Variants in PACC1 observed in about 807,000 individuals in gnomAD.
The protein encoded by PACC1 is proton activated chloride channel 1, also known as proton-activated chloride channel.
A neutral mutation model predicts 39.7 loss-of-function variants in PACC1; 34 were observed. That is an observed-to-expected ratio of 0.86 (90% confidence interval 0.65 to 1.14). The LOEUF (loss-of-function observed/expected upper bound fraction) is 1.14, where lower values mean the gene tolerates loss of function less well. PACC1 is among the 50% of genes most tolerant of loss of function. The pLI, the probability that PACC1 is intolerant of heterozygous loss-of-function variation, is 0.00. For missense variants in PACC1, 379 were observed against 436.4 expected (o/e 0.87, Z 1.17); for synonymous variants, 127 against 160.6 (o/e 0.79, Z 1.58).
intron 7 of PACC1, among the ~76,000 whole-genome samples, chr1:212,368,632 G>A (rs116419231): frequency 0.023 from 3,429 of 151,216 alleles, 45 homozygotes; most frequent in African/African-American, 0.027. Flanking sequence ...TCAAGCAGAA[G>A]AATTAGTGAG....
chr1:212,406,105 C>CAAAAAAAAAAAAA (rs58332482), intron 2 of PACC1, among the ~76,000 whole-genome samples: 6 of 55,638 alleles, frequency 1.1e-4, no homozygotes, highest in Admixed American at 2.6e-4. Context: ...TCCCACCCCA[C>CAAAAAAAAAAAAA]AAAAAAAAAA....
intron 7 of PACC1, among the ~76,000 whole-genome samples, chr1:212,370,793 G>A (rs900789815): frequency 6.6e-6 from 1 of 152,124 alleles, no homozygotes. Flanking sequence ...AGCAAAAGCA[G>A]TACTAAGAGG....
intron 4 of PACC1, 115 bp downstream of exon 4, chr1:212,385,159 G>A (rs1661051014): frequency 1.7e-6 from 2 of 1,199,894 alleles, no homozygotes; most frequent in Non-Finnish European, 2.4e-6. Flanking sequence ...TGGGGACTAA[G>A]GCCCCACACT....
chr1:212,381,770 GACACAC>G lies in PACC1; in HGVS notation c.496-1739_496-1734del, dbSNP rs10529310. 2.5e-4 allele frequency among the ~76,000 whole-genome samples: 29 copies of G among 118,144 alleles called. 2 individuals carry two copies. Among genetic ancestry groups the G allele is most frequent in the Middle Eastern group, 3.9e-3 (1 of 256 alleles). 77.5% of individuals were successfully genotyped at this position (118,144 alleles called of 152,430 possible). On this transcript the variant is annotated intron_variant, in intron 4 of 7. Coordinates refer to ENST00000261455, the MANE Select transcript of PACC1 (RefSeq NM_018252.3). ...AACAATGCCCAGGGGACAGCACAGT[GACACAC>G]ACACACACACACACACACACTGCCC...
At chr1:212,369,056 T>C (rs2102465045) in intron 7 of PACC1, among the ~76,000 whole-genome samples, 1 of 149,116 alleles carries the variant, frequency 6.7e-6, no homozygotes, top group African/African-American at 2.5e-5. Flanking sequence ...AAAACAAAAA[T>C]ATAAATAGAT....
chr1:212,408,073 C>CAAA (rs77122055), intron 2 of PACC1, among the ~76,000 whole-genome samples: 6,106 of 67,480 alleles, frequency 0.09, 217 homozygotes, highest in Admixed American at 0.16. Context: ...GACTCCATCT[C>CAAA]AAAAAAAAAA....
chr1:212,402,252 AG>A (rs1489653100), intron 2 of PACC1, among the ~76,000 whole-genome samples: 3 of 152,188 alleles, frequency 2.0e-5, no homozygotes, highest in African/African-American at 7.2e-5. Flanking sequence ...TATTTTCCAC[AG>A]CAGCTGCACC....
chr1:212,414,585 C>T, intron 1 of PACC1, 137 bp downstream of exon 1: 1 of 1,127,266 alleles, frequency 8.9e-7, no homozygotes, highest in Non-Finnish European at 1.3e-6. Context: ...CGGGAGCCCT[C>T]CCCTGACGCA....
In PACC1 at chr1:212,386,870, T is replaced by C. The variant is rs1558172666; in HGVS notation, c.343+21A>G. On this transcript the variant is annotated intron_variant, in intron 3 of 7. Coordinates refer to ENST00000261455, the MANE Select transcript of PACC1 (RefSeq NM_018252.3). This position sits in a 1 kb window ranked among gnomAD's most constrained non-coding sequence, Gnocchi z 5.0. Reference sequence around the variant, plus strand: ...ACCCTAGATCTGGGGCCCTGATGCCTGGCCCAGGGGCAGGCTCTACCTGGG... The same window carrying C: ...ACCCTAGATCTGGGGCCCTGATGCCCGGCCCAGGGGCAGGCTCTACCTGGG... 2 of 1,612,690 alleles carry C rather than the reference T, an allele frequency of 1.2e-6. No individual in the cohort carries two copies. The highest frequency in any genetic ancestry group is 1.6e-4 in the Middle Eastern group (1 of 6,062).
intron 7 of PACC1, among the ~76,000 whole-genome samples, chr1:212,366,580 C>A (rs1660254252): frequency 6.6e-6 from 1 of 152,074 alleles, no homozygotes; most frequent in Non-Finnish European, 1.5e-5. Flanking sequence ...CTTCTAAGCT[C>A]AATTTAGCAG....
In PACC1 at chr1:212,364,440, G is replaced by A. The variant is rs551973118; in HGVS notation, c.*775C>T. On this transcript the variant is annotated 3_prime_UTR_variant, in exon 8 of 8. Transcript: ENST00000261455. ...TCACCAAATGAAAGTAATTGTGCCCGATGATTGAGCAGATATTCATATTGT... is the reference window on the plus strand; with the variant it reads ...TCACCAAATGAAAGTAATTGTGCCCAATGATTGAGCAGATATTCATATTGT... The A allele has an allele frequency of 1.3e-5, 2 of 152,292 alleles. No individual in the cohort carries two copies. The highest frequency in any genetic ancestry group is 3.8e-4 in the East Asian group (2 of 5,206). 9.4% of individuals were successfully genotyped at this position (152,292 alleles called of 1,614,324 possible).
At chr1:212,384,775 GCC>G (rs1397854158) in intron 4 of PACC1, among the ~76,000 whole-genome samples, 12 of 152,196 alleles carry the variant, frequency 7.9e-5, no homozygotes. Flanking sequence ...CGACAGCATG[GCC>G]AGCCCAGGGC....
chr1:212,378,383 G>C (rs1005390720), intron 5 of PACC1, among the ~76,000 whole-genome samples: 1 of 152,250 alleles, frequency 6.6e-6, no homozygotes, highest in Non-Finnish European at 1.5e-5. Context: ...GGGAATTCTA[G>C]GTGGCAGAAA....
intron 2 of PACC1, among the ~76,000 whole-genome samples, chr1:212,405,951 G>A (rs149264763): frequency 1.9e-4 from 29 of 151,956 alleles, no homozygotes; most frequent in African/African-American, 6.3e-4. Context: ...AGACCAGCCT[G>A]GGCAACACTG....
At chr1:212,381,545 C>CT (rs1660879820) in intron 4 of PACC1, among the ~76,000 whole-genome samples, 1 of 152,182 alleles carries the variant, frequency 6.6e-6, no homozygotes, top group Non-Finnish European at 1.5e-5. Context: ...GGAGCCTCAT[C>CT]TCTGCCCTCA....
chr1:212,371,602 C>A (rs1023744698), intron 7 of PACC1, among the ~76,000 whole-genome samples: 1 of 151,384 alleles, frequency 6.6e-6, no homozygotes, highest in East Asian at 1.9e-4. Context: ...TTCTATCTAA[C>A]ATTAAAAAAA....
At chr1:212,398,150 GA>G (rs1661588575) in intron 2 of PACC1, among the ~76,000 whole-genome samples, 1 of 152,178 alleles carries the variant, frequency 6.6e-6, no homozygotes, top group Non-Finnish European at 1.5e-5. Context: ...TTCAAAAAAT[GA>G]AGTGCTCATT....
At chr1:212,365,426 ATTC>A (rs1660199872) in intron 7 of PACC1, 50 bp from the exon 8 acceptor site, 24 of 967,192 alleles carry the variant, frequency 2.5e-5, no homozygotes, top group Admixed American at 8.5e-5. Flanking sequence ...TTCAGTCTTG[ATTC>A]TTTTTTTTTT....
chr1:212,406,869 C>T (rs1168747013), intron 2 of PACC1, among the ~76,000 whole-genome samples: 1 of 152,180 alleles, frequency 6.6e-6, no homozygotes, highest in African/African-American at 2.4e-5. Flanking sequence ...TTTACCTGGG[C>T]ACTTCTCTAT....
Sources: allele counts gnomAD v4.1 joint callset (sites outside exome capture counted in the v4.1 genomes callset), GRCh38; gene constraint gnomAD v4.1.1; non-coding constraint Gnocchi (gnomAD v3.1); transcripts MANE v1.5; gene names NCBI Gene and HGNC (gene_info 2026-07-23, HGNC 2026-07-21).